The following SLC22A3 variants were observed in gnomAD, a reference collection of about 807,000 sequenced individuals.
SLC22A3 encodes EMT organic cation transporter 3.
SLC22A3 carries 51 observed loss-of-function variants against 59.1 expected under a neutral mutation model. The ratio of observed to expected loss-of-function variants is 0.86; its 90% CI spans 0.69 to 1.09. SLC22A3 has a LOEUF of 1.09. Ranked by LOEUF, SLC22A3 falls within the 50% of genes least tolerant of loss-of-function variation. SLC22A3 has a pLI of 0.00. For synonymous variants in SLC22A3, 325 were observed against 292.0 expected (o/e 1.11, Z -1.15); for missense variants, 711 against 726.3 (o/e 0.98, Z 0.24).
chr6:160,396,762 A>G (rs970562341), intron 1 of SLC22A3, among the ~76,000 whole-genome samples: 14 of 152,086 alleles, frequency 9.2e-5, no homozygotes, highest in Non-Finnish European at 2.9e-5. Context: ...TTTTTTTATC[A>G]ATTATGATCT....
At chr6:160,402,548 C>T (rs542540176) in intron 2 of SLC22A3, among the ~76,000 whole-genome samples, 1 of 151,746 alleles carries the variant, frequency 6.6e-6, no homozygotes, top group Non-Finnish European at 1.5e-5. Context: ...TCTAATTTTC[C>T]TCTTTAGACA....
intron 5 of SLC22A3, among the ~76,000 whole-genome samples, chr6:160,412,976 G>A (rs915889232): frequency 4.0e-4 from 61 of 151,826 alleles, no homozygotes; most frequent in Non-Finnish European, 8.2e-4. Flanking sequence ...AATATATAAA[G>A]TGTTCTAGAA....
Position 160,437,050 on chromosome 6 carries a change from G to T in SLC22A3, c.1127G>T (p.Gly376Val). ...QGLVMRLGII[G>V]GNLYIDFFIS... ...CTTGTCATGCGCCTGGGAATTATAG[G>T]GGGCAACCTCTATATAGACTTTTTC... Residue 376 changes from glycine to valine, a missense_variant, in exon 7 of 11, where the codon GGG becomes GTG. Coordinates refer to ENST00000275300, the MANE Select transcript of SLC22A3 (RefSeq NM_021977.4). The T allele has an allele frequency of 6.2e-7, 1 of 1,614,098 alleles. No homozygotes were observed. The highest frequency in any genetic ancestry group is 8.5e-7 in the Non-Finnish European group (1 of 1,179,994).
Position 160,348,865 on chromosome 6 carries a change from C to A in SLC22A3, c.429+17C>A, listed in dbSNP as rs757640188. 6.4e-7 allele frequency: 1 copy of A among 1,563,210 alleles called. No individual in the cohort carries two copies. Among genetic ancestry groups the A allele is most frequent in the East Asian group, 2.3e-5 (1 of 42,798 alleles). On this transcript the variant is annotated intron_variant, in intron 1 of 10. Transcript: ENST00000275300. Reference sequence around the variant, plus strand: ...GTCAGCGAGGTAAGGGCGCCCCGGCCCTTTGGAAGCCGGCGGGAGAGGACG... The same window carrying A: ...GTCAGCGAGGTAAGGGCGCCCCGGCACTTTGGAAGCCGGCGGGAGAGGACG...
At chr6:160,416,508 G>A (rs1406646526) in intron 5 of SLC22A3, among the ~76,000 whole-genome samples, 1 of 151,534 alleles carries the variant, frequency 6.6e-6, no homozygotes, top group Non-Finnish European at 1.5e-5. Flanking sequence ...AATAATGATA[G>A]CACAGGCACA....
chr6:160,429,849 TAA>T (rs148961501), intron 5 of SLC22A3, among the ~76,000 whole-genome samples: 1 of 143,836 alleles, frequency 7.0e-6, no homozygotes. Context: ...ATCCATTTCT[TAA>T]AAAAAAAAAA....
At chr6:160,399,072 A>G (rs1786644561) in intron 2 of SLC22A3, among the ~76,000 whole-genome samples, 2 of 152,234 alleles carry the variant, frequency 1.3e-5, no homozygotes, top group Non-Finnish European at 2.9e-5. Context: ...TAATCAGACC[A>G]GTGCTTCAAA....
intron 1 of SLC22A3, among the ~76,000 whole-genome samples, chr6:160,395,637 C>G (rs1228030591): frequency 2.0e-5 from 3 of 152,092 alleles, no homozygotes; most frequent in South Asian, 2.1e-4. Context: ...TTTTGTACCT[C>G]GAAAAACCAA....
intron 1 of SLC22A3, among the ~76,000 whole-genome samples, chr6:160,353,728 G>T (rs1562464595): frequency 6.6e-6 from 1 of 152,122 alleles, no homozygotes; most frequent in South Asian, 2.1e-4. Flanking sequence ...AAAAGACGAG[G>T]GTTGGAGTTC....
At chr6:160,426,298 A>T (rs1787949333) in intron 5 of SLC22A3, 6 of 985,274 alleles carry the variant, frequency 6.1e-6, no homozygotes, top group East Asian at 1.1e-4. Context: ...TTCCGAGATG[A>T]CAGTGGTTTT....
chr6:160,447,198 T>C (rs1156552170), intron 9 of SLC22A3, among the ~76,000 whole-genome samples: 1 of 152,098 alleles, frequency 6.6e-6, no homozygotes, highest in African/African-American at 2.4e-5. Flanking sequence ...TGAAAGCTTC[T>C]CCCAATAGGT....
At chr6:160,395,355 G>A (rs1337317287) in intron 1 of SLC22A3, among the ~76,000 whole-genome samples, 4 of 152,148 alleles carry the variant, frequency 2.6e-5, no homozygotes, top group South Asian at 2.1e-4. Flanking sequence ...TGTCATCTAC[G>A]AAAAGCACTC....
intron 1 of SLC22A3, among the ~76,000 whole-genome samples, chr6:160,390,141 G>A (rs1220836402): frequency 6.6e-6 from 1 of 152,204 alleles, no homozygotes; most frequent in African/African-American, 2.4e-5. Flanking sequence ...TTAAAATAGA[G>A]TAGCCCTATT....
At chr6:160,417,149 G>A (rs1486102691) in intron 5 of SLC22A3, among the ~76,000 whole-genome samples, 1 of 152,188 alleles carries the variant, frequency 6.6e-6, no homozygotes, top group Non-Finnish European at 1.5e-5. Context: ...CCCAGTGTCA[G>A]GCTTGGCCAC....
intron 5 of SLC22A3, among the ~76,000 whole-genome samples, chr6:160,421,802 G>T (rs1330222253): frequency 6.6e-6 from 1 of 152,170 alleles, no homozygotes; most frequent in Admixed American, 6.5e-5. Flanking sequence ...CTGGGGAAGG[G>T]CCTTCTGATA....
At position 160,447,750 on chromosome 6, in the gene SLC22A3, G is replaced by T. The variant is rs554483525; in HGVS notation, c.1542G>T (p.Val514=). 6.2e-7 allele frequency: 1 copy of T among 1,614,108 alleles called. No homozygotes were observed. Among genetic ancestry groups the T allele is most frequent in the African/African-American group, 1.3e-5 (1 of 75,030 alleles). The part of the protein sequence containing the change: ...GILASICGGL[V]MLLPETKGIA... Reference sequence around the variant, plus strand: ...TGGCATCCATCTGTGGTGGCCTTGTGATGCTTTTGCCTGAAACCAAGGGTA... The same window carrying T: ...TGGCATCCATCTGTGGTGGCCTTGTTATGCTTTTGCCTGAAACCAAGGGTA... Residue 514 remains valine (V), a synonymous_variant, in exon 10 of 11, where the codon GTG becomes GTT. Coordinates refer to ENST00000275300, the MANE Select transcript of SLC22A3 (RefSeq NM_021977.4).
At chr6:160,372,348 G>T (rs539678066) in intron 1 of SLC22A3, among the ~76,000 whole-genome samples, 37 of 152,296 alleles carry the variant, frequency 2.4e-4, no homozygotes, top group African/African-American at 6.0e-4. Context: ...GGATTGTAGG[G>T]TTTCTACAGA....
intron 9 of SLC22A3, among the ~76,000 whole-genome samples, chr6:160,444,022 T>C (rs1285505465): frequency 6.6e-6 from 1 of 152,204 alleles, no homozygotes; most frequent in African/African-American, 2.4e-5. Context: ...AGTTAAATGC[T>C]GTGAAACTCT....
At chr6:160,447,958 A>C in intron 10 of SLC22A3, 140 bp downstream of exon 10, 3 of 738,638 alleles carry the variant, frequency 4.1e-6, no homozygotes, top group Admixed American at 4.3e-5. Flanking sequence ...CAAAAAATTC[A>C]AAGTAGATAC....
Sources: allele counts gnomAD v4.1 joint callset (sites outside exome capture counted in the v4.1 genomes callset), GRCh38; gene constraint gnomAD v4.1.1; transcripts MANE v1.5; gene names NCBI Gene and HGNC (gene_info 2026-07-23, HGNC 2026-07-21).